GPM6A: variants seen among roughly 807,000 people sequenced by gnomAD.
GPM6A encodes glycoprotein M6A.
GPM6A carries 7 observed loss-of-function variants against 32.1 expected under a neutral mutation model. That is an observed-to-expected ratio of 0.22 (90% CI 0.12 to 0.41). The LOEUF is 0.41. Ranked by LOEUF, GPM6A falls within the 10% of genes least tolerant of loss-of-function variation. The probability of loss-of-function intolerance (pLI) is 1.00; values close to 1 mark genes in which losing one functional copy is unlikely to be tolerated. For missense variants in GPM6A, 235 were observed against 347.2 expected, an observed-to-expected ratio of 0.68 and a Z score of 2.57; for synonymous variants, 130 against 123.4, an observed-to-expected ratio of 1.05 and a Z score of -0.35.
At chr4:175,953,123 A>G (rs1163927998) in intron 1 of GPM6A, among the ~76,000 whole-genome samples, 4 of 152,170 alleles carry the variant, frequency 2.6e-5, no homozygotes, top group African/African-American at 9.6e-5. Flanking sequence ...CTTTGATTCA[A>G]GAATAGAGCA....
At chr4:175,858,200 T>C (rs1736470515) in intron 1 of GPM6A, among the ~76,000 whole-genome samples, 1 of 152,136 alleles carries the variant, frequency 6.6e-6, no homozygotes, top group Non-Finnish European at 1.5e-5. Context: ...GAAATGAATA[T>C]TAAAATCACA....
chr4:175,673,743 C>T lies in GPM6A; in HGVS notation c.324G>A (p.Gly108=). The T allele has an allele frequency of 2.5e-6, 4 of 1,612,826 alleles. 1 individual carries two copies. ...AATCCCCATAGAGATCTTTGATGGC[C>T]CCAGTTGTGAAGAAACCTTCCACCA... is the stretch of plus-strand genomic sequence containing the variant. ...LLMVEGFFTT[G]AIKDLYGDFK... is the part of the protein sequence containing the mutation. The change falls in exon 3 of 7, where the codon GGG becomes GGA. Residue 108 remains glycine, a synonymous_variant. Coordinates refer to ENST00000393658, the MANE Select transcript of GPM6A (RefSeq NM_201591.3).
At chr4:175,742,350 T>TTAAAA (rs757666843) in intron 1 of GPM6A, among the ~76,000 whole-genome samples, 1 of 152,146 alleles carries the variant, frequency 6.6e-6, no homozygotes, top group African/African-American at 2.4e-5. Context: ...GCTCGCCTGC[T>TTAAAA]TAAAATATAA....
At chr4:175,903,113 G>T (rs373624500) in intron 1 of GPM6A, among the ~76,000 whole-genome samples, 3 of 152,156 alleles carry the variant, frequency 2.0e-5, no homozygotes, top group East Asian at 1.9e-4. Flanking sequence ...GACTGATTCT[G>T]GGGTTGATGA....
At chr4:175,981,207 C>T (rs1740806741) in intron 1 of GPM6A, among the ~76,000 whole-genome samples, 1 of 152,100 alleles carries the variant, frequency 6.6e-6, no homozygotes, top group Admixed American at 6.5e-5. Context: ...TGACCTACCA[C>T]TCAAAATCAA....
chr4:175,722,870 T>C (rs1238218358), intron 1 of GPM6A, among the ~76,000 whole-genome samples: 1 of 131,898 alleles, frequency 7.6e-6, no homozygotes, highest in African/African-American at 2.9e-5. Context: ...ATGGCAAAAC[T>C]GTCTTTACAA....
intron 1 of GPM6A, among the ~76,000 whole-genome samples, chr4:175,993,310 A>G (rs1295715855): frequency 6.6e-6 from 1 of 152,020 alleles, no homozygotes; most frequent in Non-Finnish European, 1.5e-5. Flanking sequence ...AACAAAATAT[A>G]TTGTATTCCT....
chr4:175,715,930 T>C (rs1745819577), intron 1 of GPM6A, among the ~76,000 whole-genome samples: 1 of 152,068 alleles, frequency 6.6e-6, no homozygotes, highest in African/African-American at 2.4e-5. Context: ...CTGGGTGTGG[T>C]GGCACATGCC....
rs190854431 is a variant in GPM6A, at chr4:175,842,865, A to G, written c.-22-30616T>C. Among the ~76,000 whole-genome samples, 14 of 152,148 alleles carry G rather than the reference A, an allele frequency of 9.2e-5. No individual in the cohort carries two copies. The East Asian group carries it at 2.7e-3, about 29-fold the overall frequency. Reference sequence around the variant, plus strand: ...TAATATGAATTGAATTAATGGCTCTATGGAGAAAAGAAAAAAGAAAGCATT... The same window carrying G: ...TAATATGAATTGAATTAATGGCTCTGTGGAGAAAAGAAAAAAGAAAGCATT... On this transcript the variant is annotated intron_variant, in intron 1 of 7. Coordinates refer to the GPM6A transcript ENST00000280187.
At chr4:175,772,848 T>C (rs1733245512) in intron 1 of GPM6A, among the ~76,000 whole-genome samples, 1 of 152,134 alleles carries the variant, frequency 6.6e-6, no homozygotes, top group Non-Finnish European at 1.5e-5. Flanking sequence ...TCATCTAGTA[T>C]TTAGAAATCA....
At chr4:175,919,102 A>T (rs1321441411) in intron 1 of GPM6A, among the ~76,000 whole-genome samples, 1 of 152,154 alleles carries the variant, frequency 6.6e-6, no homozygotes, top group Non-Finnish European at 1.5e-5. Flanking sequence ...AGCACACTTA[A>T]TTTAACTGTA....
chr4:175,785,193 A>G (rs1227290368), intron 1 of GPM6A, among the ~76,000 whole-genome samples: 2 of 152,164 alleles, frequency 1.3e-5, no homozygotes, highest in African/African-American at 2.4e-5. Context: ...TCCAATCGCC[A>G]TGCTATGAAA....
At chr4:175,887,620 T>C (rs962565243) in intron 1 of GPM6A, among the ~76,000 whole-genome samples, 4 of 151,864 alleles carry the variant, frequency 2.6e-5, no homozygotes, top group African/African-American at 9.7e-5. Context: ...TTCTAGATGC[T>C]AATACGTTTG....
chr4:175,652,133 A>G, intron 3 of GPM6A, 146 bp from the exon 4 acceptor site: 1 of 554,516 alleles, frequency 1.8e-6, no homozygotes, highest in Non-Finnish European at 3.1e-6. Context: ...TGCAGCACAG[A>G]AGGTTGAGAA....
chr4:175,651,168 A>T (rs562577701), intron 4 of GPM6A, among the ~76,000 whole-genome samples: 1 of 152,152 alleles, frequency 6.6e-6, no homozygotes, highest in South Asian at 2.1e-4. Context: ...ACTGTGCCTC[A>T]GTTTTGTCAT....
At chr4:175,914,918 T>C (rs576525555) in intron 1 of GPM6A, among the ~76,000 whole-genome samples, 10 of 152,154 alleles carry the variant, frequency 6.6e-5, no homozygotes, top group African/African-American at 2.4e-4. Flanking sequence ...GCAATAACAA[T>C]CAAGAACCTA....
At chr4:175,717,374 A>C (rs1745893102) in intron 1 of GPM6A, among the ~76,000 whole-genome samples, 1 of 152,206 alleles carries the variant, frequency 6.6e-6, no homozygotes, top group African/African-American at 2.4e-5. Flanking sequence ...ATTGGTGGTC[A>C]TGTAGAATTC....
intron 1 of GPM6A, among the ~76,000 whole-genome samples, chr4:175,900,981 T>A (rs1469952449): frequency 6.6e-6 from 1 of 152,162 alleles, no homozygotes; most frequent in Non-Finnish European, 1.5e-5. Context: ...ACAGCATGGA[T>A]AGAGCTGGAG....
At chr4:175,968,047 A>G (rs1740382156) in intron 1 of GPM6A, among the ~76,000 whole-genome samples, 1 of 152,186 alleles carries the variant, frequency 6.6e-6, no homozygotes, top group Non-Finnish European at 1.5e-5. Context: ...CAATCAAAAC[A>G]GCGTAATACT....
Sources: allele counts gnomAD v4.1 joint callset (sites outside exome capture counted in the v4.1 genomes callset), GRCh38; gene constraint gnomAD v4.1.1; transcripts MANE v1.5; gene names NCBI Gene and HGNC (gene_info 2026-07-23, HGNC 2026-07-21).